The following OTULIN variants were observed in gnomAD, a reference collection of about 807,000 sequenced individuals.
OTULIN encodes ubiquitin thioesterase otulin.
Under a neutral mutation model 39.6 loss-of-function variants are expected in OTULIN, and 15 were observed. That is an observed-to-expected ratio of 0.38 (90% CI 0.25 to 0.58). The LOEUF is 0.58. Among genes scored for constraint, OTULIN ranks in the 20% least tolerant of loss-of-function variants. The pLI is 0.66. For missense variants in OTULIN, 319 were observed against 445.9 expected, an observed-to-expected ratio of 0.72 and a Z score of 2.56; for synonymous variants, 156 against 170.3, an observed-to-expected ratio of 0.92 and a Z score of 0.65.
chr5:14,707,080 A>G, the OTULIN span: 1 of 152,212 alleles, frequency 6.6e-6, no homozygotes, highest in Non-Finnish European at 1.5e-5. Flanking sequence ...CACTAGTTTG[A>G]TTGATGAAGA....
At chr5:14,685,184 G>T (rs1242643683) in intron 4 of OTULIN, among the ~76,000 whole-genome samples, 2 of 152,204 alleles carry the variant, frequency 1.3e-5, no homozygotes, top group Non-Finnish European at 2.9e-5. Context: ...GAGTGAGATA[G>T]ACTGTGTATC....
chr5:14,707,018 A>G, the OTULIN span: 1 of 152,152 alleles, frequency 6.6e-6, no homozygotes, highest in Non-Finnish European at 1.5e-5. Flanking sequence ...GGTTCCAAAG[A>G]AAGGTGAGGA....
intron 4 of OTULIN, among the ~76,000 whole-genome samples, chr5:14,683,451 C>A (rs1179008679): frequency 6.6e-6 from 1 of 152,130 alleles, no homozygotes; most frequent in Non-Finnish European, 1.5e-5. Context: ...TGCCAGTTGG[C>A]GAAAGCATTC....
intron 2 of OTULIN, among the ~76,000 whole-genome samples, chr5:14,677,500 T>C (rs1014043457): frequency 2.6e-5 from 4 of 152,216 alleles, no homozygotes; most frequent in African/African-American, 9.7e-5. Flanking sequence ...GCCTGAAAAT[T>C]TACCTCCTTT....
rs373061263 is a variant in OTULIN at position 14,665,966 on chromosome 5, A to G, written c.152+989A>G. 1.7e-4 allele frequency among the ~76,000 whole-genome samples: 26 copies of G among 152,368 alleles called. No homozygotes were observed. The South Asian group carries it at 5.2e-3, about 30-fold the overall frequency. On this transcript the variant is annotated intron_variant, in intron 1 of 6. Transcript: ENST00000284274. ...TTGAAAGTCAGCGGGATTACCTTTT[A>G]GCATGAGATTGGAGGGGAGAAATAT...
chr5:14,711,208 C>A, the OTULIN span: 1 of 1,613,898 alleles, frequency 6.2e-7, no homozygotes, highest in African/African-American at 1.3e-5. Flanking sequence ...TATTCATTCT[C>A]CTCTCTCATT....
Position 14,694,303 on chromosome 5 carries a change from G to A in OTULIN, c.*1255G>A, listed in dbSNP as rs990489856. On this transcript the variant is annotated 3_prime_UTR_variant, in exon 7 of 7. Transcript: ENST00000284274. Reference sequence around the variant, plus strand: ...CCAATCAGGCTAAGGGTGGTGACTGGGGTGGTGAAGGGGCAGCTCTGCTGA... The same window carrying A: ...CCAATCAGGCTAAGGGTGGTGACTGAGGTGGTGAAGGGGCAGCTCTGCTGA... The A allele has an allele frequency of 5.2e-5, 8 of 152,416 alleles. No homozygotes were observed. The East Asian group carries it at 1.3e-3, about 26-fold the overall frequency. 9.4% of individuals were successfully genotyped at this position (152,416 alleles called of 1,614,324 possible).
At chr5:14,688,308 G>A (rs250438) in intron 5 of OTULIN, among the ~76,000 whole-genome samples, 24,284 of 152,006 alleles carry the variant, frequency 0.16, 3,246 homozygotes, top group African/African-American at 0.37. Flanking sequence ...AACCCTGATT[G>A]AGGGCCTGTC....
chr5:14,666,605 A>C (rs1396266811), intron 1 of OTULIN, among the ~76,000 whole-genome samples: 6 of 152,028 alleles, frequency 3.9e-5, no homozygotes. Flanking sequence ...TTGCTTCCCA[A>C]GTTTGCTTCC....
rs1736750647 is a variant in OTULIN at position 14,699,395 on chromosome 5, G to A, written c.*6347G>A. ...GGGCTTCTGAAGAACCCAGTGGGTA[G>A]GTACTGGGCATCCATTAGACGGCAG... On this transcript the variant is annotated 3_prime_UTR_variant, in exon 7 of 7. Coordinates refer to ENST00000284274, the MANE Select transcript of OTULIN (RefSeq NM_138348.6). 6.6e-6 allele frequency: 1 copy of A among 152,204 alleles called. No homozygotes were observed. Among genetic ancestry groups the A allele is most frequent in the Non-Finnish European group, 1.5e-5 (1 of 68,046 alleles). 9.4% of individuals were successfully genotyped at this position (152,204 alleles called of 1,614,324 possible).
At chr5:14,689,699 C>T (rs1483910249) in intron 5 of OTULIN, among the ~76,000 whole-genome samples, 1 of 152,214 alleles carries the variant, frequency 6.6e-6, no homozygotes, top group African/African-American at 2.4e-5. Context: ...TTCACAGCTT[C>T]ACACACAGGC....
At chr5:14,691,808 G>C (rs1455521529) in intron 6 of OTULIN, among the ~76,000 whole-genome samples, 1 of 152,174 alleles carries the variant, frequency 6.6e-6, no homozygotes, top group Non-Finnish European at 1.5e-5. Context: ...GGATTTGCCT[G>C]TGCTGGACAT....
intron 1 of OTULIN, among the ~76,000 whole-genome samples, chr5:14,666,352 G>A (rs532357258): frequency 6.6e-6 from 1 of 152,264 alleles, no homozygotes; most frequent in Admixed American, 6.5e-5. Flanking sequence ...TGTGGCACAG[G>A]TGCCTCTTCT....
At chr5:14,677,300 T>C (rs1736127302) in intron 2 of OTULIN, among the ~76,000 whole-genome samples, 1 of 152,170 alleles carries the variant, frequency 6.6e-6, no homozygotes, top group South Asian at 2.1e-4. Context: ...TCACCTTTTA[T>C]CCCCAGTTCC....
intron 3 of OTULIN, among the ~76,000 whole-genome samples, chr5:14,681,194 A>T (rs1417945325): frequency 1.3e-5 from 2 of 151,730 alleles, no homozygotes; most frequent in Non-Finnish European, 2.9e-5. Flanking sequence ...TTTTTTTAGT[A>T]GGAAAATATA....
In OTULIN at chr5:14,681,596, G is replaced by T; in HGVS notation, c.457G>T (p.Glu153Ter). The T allele has an allele frequency of 6.2e-7, 1 of 1,611,728 alleles. No homozygotes were observed. Among genetic ancestry groups the T allele is most frequent in the South Asian group, 1.1e-5 (1 of 90,660 alleles). ...GCTGCCGCCCTGGCTGCAGGACCCG[G>T]AGCTCATGCTGGTACGCTGCTGCTG... ...VGLPPWLQDP[E>*]LMLLPEKLIS... The change falls in exon 4 of 7, where the codon GAG becomes TAG. Residue 153 changes from glutamate (E) to a stop codon, truncating the protein, a stop_gained. Transcript: ENST00000284274. LOFTEE classifies it high-confidence loss of function.
chr5:14,691,183 T>G (rs992394521), intron 6 of OTULIN, among the ~76,000 whole-genome samples: 1 of 152,254 alleles, frequency 6.6e-6, no homozygotes, highest in Non-Finnish European at 1.5e-5. Context: ...TTTATTGGAA[T>G]AGCCAACCGC....
At position 14,696,144 on chromosome 5, in the gene OTULIN, C is replaced by G. The variant is rs1299313220; in HGVS notation, c.*3096C>G. The G allele has an allele frequency of 6.6e-6, 1 of 152,070 alleles. No homozygotes were observed. The highest frequency in any genetic ancestry group is 1.5e-5 in the Non-Finnish European group (1 of 68,018). The allele number at this position is 152,070 out of a possible 1,614,324, so 9.4% of individuals were successfully genotyped here. A position where few individuals can be genotyped will look rare whatever the true frequency, so the allele number is the denominator to read the frequency against. On this transcript the variant is annotated 3_prime_UTR_variant, in exon 7 of 7. Transcript: ENST00000284274. ...TATTCATCCTGTGTCCTCCCTCTTC[C>G]CGATGTGCTGTTTTACCTAGGAGTT... is the stretch of plus-strand genomic sequence containing the variant.
chr5:14,716,004 CTTTTTT>C, the OTULIN span, among the ~76,000 whole-genome samples: 39 of 152,240 alleles, frequency 2.6e-4, no homozygotes, highest in Non-Finnish European at 4.1e-4. Context: ...CTCTATTTTT[CTTTTTT>C]TGATTTCACT....
Sources: allele counts gnomAD v4.1 joint callset (sites outside exome capture counted in the v4.1 genomes callset), GRCh38; gene constraint gnomAD v4.1.1; transcripts MANE v1.5; gene names NCBI Gene and HGNC (gene_info 2026-07-23, HGNC 2026-07-21).